PTBP2: variants seen among roughly 807,000 people sequenced by gnomAD.
The protein encoded by PTBP2 is polypyrimidine tract binding protein 2.
PTBP2 carries 13 observed loss-of-function variants against 61.4 expected under a neutral mutation model. The ratio of observed to expected loss-of-function variants is 0.21; its 90% CI spans 0.14 to 0.34. The LOEUF is 0.34. PTBP2 is among the 10% of genes least tolerant of loss of function. PTBP2 has a pLI of 1.00. For synonymous variants in PTBP2, 215 were observed against 218.5 expected, an observed-to-expected ratio of 0.98 and a Z score of 0.14; for missense variants, 405 against 642.6, an observed-to-expected ratio of 0.63 and a Z score of 4.00.
chr1:96,802,211 G>GAAA (rs5776325), intron 8 of PTBP2, among the ~76,000 whole-genome samples: 1,033 of 53,348 alleles, frequency 0.019, 33 homozygotes, highest in African/African-American at 0.036. Context: ...ACTCCGTCTC[G>GAAA]AAAAAAAAAA....
intron 2 of PTBP2, among the ~76,000 whole-genome samples, chr1:96,729,944 G>T (rs890022264): frequency 6.6e-6 from 1 of 151,906 alleles, no homozygotes. Flanking sequence ...CACTATGTTG[G>T]CCAGGTTGGT....
chr1:96,737,019 G>A (rs1011981672), intron 2 of PTBP2, among the ~76,000 whole-genome samples: 2 of 149,016 alleles, frequency 1.3e-5, no homozygotes, highest in Admixed American at 6.7e-5. Context: ...TCCCTTTGTT[G>A]CCCAGGCTGG....
At chr1:96,721,993 C>A in intron 1 of PTBP2, 121 bp downstream of exon 1, 2 of 1,306,586 alleles carry the variant, frequency 1.5e-6, no homozygotes, top group Non-Finnish European at 2.1e-6. Flanking sequence ...TGCCGTTACC[C>A]AACCCCCGCC....
At chr1:96,796,478 T>C (rs941066892) in intron 8 of PTBP2, among the ~76,000 whole-genome samples, 3 of 152,122 alleles carry the variant, frequency 2.0e-5, no homozygotes, top group Non-Finnish European at 4.4e-5. Context: ...CTAAAAATTA[T>C]AAGGCACTTG....
At chr1:96,790,353 AT>A (rs1659662440) in intron 8 of PTBP2, among the ~76,000 whole-genome samples, 1 of 151,164 alleles carries the variant, frequency 6.6e-6, no homozygotes, top group Non-Finnish European at 1.5e-5. Flanking sequence ...ACTTTTAGTG[AT>A]TTTAATGATG....
At chr1:96,767,811 A>G (rs1485403678) in intron 3 of PTBP2, among the ~76,000 whole-genome samples, 1 of 152,072 alleles carries the variant, frequency 6.6e-6, no homozygotes, top group Admixed American at 6.6e-5. Flanking sequence ...GCGCACACAA[A>G]TCTTTGTCAG....
At chr1:96,780,845 C>T (rs1373327594) in intron 7 of PTBP2, among the ~76,000 whole-genome samples, 3 of 152,016 alleles carry the variant, frequency 2.0e-5, no homozygotes, top group Non-Finnish European at 4.4e-5. Flanking sequence ...TTGGTGTCCG[C>T]TGTGTTAGGA....
chr1:96,784,904 C>A, intron 7 of PTBP2, 155 bp from the exon 8 acceptor site: 2 of 585,640 alleles, frequency 3.4e-6, no homozygotes, highest in Non-Finnish European at 5.6e-6. Flanking sequence ...ACATGGACAG[C>A]TGGAACAGCA....
At chr1:96,813,197 G>T (rs1275227648) in intron 13 of PTBP2, 79 bp from the exon 14 acceptor site, 2 of 1,545,668 alleles carry the variant, frequency 1.3e-6, no homozygotes, top group African/African-American at 1.4e-5. Flanking sequence ...TTTGATTCCG[G>T]AATGGCCAAA....
downstream of PTBP2, chr1:96,817,516 G>A (rs1662530996): frequency 6.6e-6 from 1 of 152,002 alleles, no homozygotes; most frequent in Non-Finnish European, 1.5e-5. Flanking sequence ...TAAAGTTATA[G>A]AGTATTAGAT....
intron 3 of PTBP2, among the ~76,000 whole-genome samples, chr1:96,762,156 G>A (rs1314167660): frequency 6.6e-6 from 1 of 150,568 alleles, no homozygotes; most frequent in Admixed American, 6.6e-5. Flanking sequence ...GCAACCATCC[G>A]ATTTCTCAAT....
chr1:96,812,973 T>TA, intron 12 of PTBP2, 45 bp downstream of exon 12: 8 of 1,594,056 alleles, frequency 5.0e-6, no homozygotes, highest in Non-Finnish European at 6.9e-6. Context: ...TCTATTTTGA[T>TA]AAAATATGAA....
At chr1:96,801,262 A>G (rs920134276) in intron 8 of PTBP2, among the ~76,000 whole-genome samples, 4 of 149,668 alleles carry the variant, frequency 2.7e-5, no homozygotes, top group African/African-American at 7.3e-5. Flanking sequence ...ATTCTTTTAA[A>G]AAACATGTGT....
At chr1:96,751,653 G>A (rs1460471910) in intron 3 of PTBP2, among the ~76,000 whole-genome samples, 153 bp downstream of exon 3, 3 of 108,102 alleles carry the variant, frequency 2.8e-5, no homozygotes, top group African/African-American at 1.1e-4. Context: ...TATATGAGCC[G>A]AGTGGAAAAA....
chr1:96,778,143 A>G (rs1256271613), intron 7 of PTBP2, among the ~76,000 whole-genome samples, 197 bp downstream of exon 7: 1 of 150,116 alleles, frequency 6.7e-6, no homozygotes, highest in Non-Finnish European at 1.5e-5. Flanking sequence ...GTAGTTAACC[A>G]TGATGTGGGT....
chr1:96,749,114 T>A (rs528320922), intron 2 of PTBP2, among the ~76,000 whole-genome samples: 105 of 151,842 alleles, frequency 6.9e-4, no homozygotes, highest in Non-Finnish European at 1.2e-3. Flanking sequence ...TAAAAAAAAA[T>A]GGAAAGACTT....
rs547970339 is a variant in PTBP2, at chr1:96,744,387, C to T, written c.40-7038C>T. 1.8e-4 allele frequency among the ~76,000 whole-genome samples: 27 copies of T among 152,166 alleles called. No homozygotes were observed. The South Asian group carries it at 5.6e-3, about 32-fold the overall frequency. On this transcript the variant is annotated intron_variant, in intron 2 of 13. Coordinates refer to ENST00000674951, the MANE Select transcript of PTBP2 (RefSeq NM_021190.4). ...ACGTAGAAAATGTCAATGGGGTTATCTGGGGAGAAAGATTATAGTCCATGA... is the reference window on the plus strand; with the variant it reads ...ACGTAGAAAATGTCAATGGGGTTATTTGGGGAGAAAGATTATAGTCCATGA...
At chr1:96,808,433 G>GTC (rs1302033831) in intron 11 of PTBP2, among the ~76,000 whole-genome samples, 2 of 152,018 alleles carry the variant, frequency 1.3e-5, no homozygotes, top group Non-Finnish European at 2.9e-5. Context: ...CACGTTAAGA[G>GTC]TCTCTTCCCC....
chr1:96,758,843 G>T (rs1025919993), intron 3 of PTBP2, among the ~76,000 whole-genome samples: 8 of 152,058 alleles, frequency 5.3e-5, no homozygotes, highest in African/African-American at 1.9e-4. Context: ...CATAAAGATT[G>T]TAAAGGAAGA....
Sources: allele counts gnomAD v4.1 joint callset (sites outside exome capture counted in the v4.1 genomes callset), GRCh38; gene constraint gnomAD v4.1.1; transcripts MANE v1.5; gene names NCBI Gene and HGNC (gene_info 2026-07-23, HGNC 2026-07-21).